SLFN12L: variants seen among roughly 807,000 people sequenced by gnomAD.
The protein encoded by SLFN12L is schlafen family member 12 like.
A neutral mutation model predicts 34.8 loss-of-function variants in SLFN12L; 34 were observed. That is an observed-to-expected ratio of 0.98 (90% confidence interval 0.74 to 1.30). The LOEUF is 1.30. Among genes scored for constraint, SLFN12L ranks in the 50% most tolerant of loss-of-function variants. The pLI, the probability that SLFN12L is intolerant of heterozygous loss-of-function variation, is 0.00. For missense variants in SLFN12L, 703 were observed against 696.2 expected, an observed-to-expected ratio of 1.01 and a Z score of -0.11; for synonymous variants, 259 against 247.5, an observed-to-expected ratio of 1.05 and a Z score of -0.44.
chr17:35,516,239 A>G (rs1052464718), intron 2 of SLFN12L, among the ~76,000 whole-genome samples: 4 of 152,208 alleles, frequency 2.6e-5, no homozygotes, highest in African/African-American at 9.6e-5. Context: ...TTCAGCATCA[A>G]AAAGGTTGGG....
intron 2 of SLFN12L, chr17:35,498,211 C>A: frequency 5.7e-6 from 2 of 349,374 alleles, no homozygotes; most frequent in Non-Finnish European, 1.1e-5. Context: ...CTGGGATGTT[C>A]AGTCATGAAA....
chr17:35,490,090 C>T (rs1159301550), intron 2 of SLFN12L: 1 of 1,606,520 alleles, frequency 6.2e-7, no homozygotes, highest in African/African-American at 1.3e-5. Flanking sequence ...GCCCCCTCCT[C>T]CCCAGTGCCC....
intron 2 of SLFN12L, chr17:35,498,351 C>A: frequency 9.9e-7 from 1 of 1,015,202 alleles, no homozygotes; most frequent in Non-Finnish European, 1.6e-6. Context: ...GGCGGCCAAT[C>A]TCACGGTACA....
At chr17:35,516,905 C>T (rs1915846110) in intron 2 of SLFN12L, among the ~76,000 whole-genome samples, 1 of 152,014 alleles carries the variant, frequency 6.6e-6, no homozygotes, top group African/African-American at 2.4e-5. Flanking sequence ...ACACGTAATC[C>T]ATTTAAAAAT....
chr17:35,472,895 T>C lies in SLFN12L; in HGVS notation c.*2028A>G, dbSNP rs1237790103. ...CCTTGTTAGCTGTATTTCTAGGTAT[T>C]TTATTCTCTTTTTAGCGATTGTGAA... On this transcript the variant is annotated 3_prime_UTR_variant, in exon 5 of 5. Coordinates refer to ENST00000628453, the MANE Select transcript of SLFN12L (RefSeq NM_001363830.2). Among the ~76,000 whole-genome samples the C allele has an allele frequency of 6.6e-6, 1 of 152,198 alleles. No homozygotes were observed. The highest frequency in any genetic ancestry group is 2.4e-5 in the African/African-American group (1 of 41,454).
At chr17:35,522,155 T>C (rs1916016650) in intron 2 of SLFN12L, 124 bp downstream of exon 2, 3 of 1,342,456 alleles carry the variant, frequency 2.2e-6, no homozygotes, top group Admixed American at 2.5e-5. Context: ...CATTGTGCTC[T>C]CCTAAACACA....
intron 2 of SLFN12L, among the ~76,000 whole-genome samples, chr17:35,502,976 G>A (rs947220341): frequency 9.6e-5 from 12 of 125,240 alleles, no homozygotes; most frequent in African/African-American, 3.8e-4. Context: ...TGTGAAAGTC[G>A]TGAAAGAGAA....
intron 2 of SLFN12L, among the ~76,000 whole-genome samples, chr17:35,483,482 G>T (rs1294854774): frequency 6.6e-6 from 1 of 152,172 alleles, no homozygotes; most frequent in East Asian, 1.9e-4. Context: ...TTGACAGTCT[G>T]CAATGGGAAG....
rs112491577 is a variant in SLFN12L at position 35,483,711 on chromosome 17, C to T, written c.87-3516G>A. Reference sequence around the variant, plus strand: ...ATTGGGATCACTGTTTTGCTATAGACGAAAACCTAAAGACTGTAGGTTTGT... The same window carrying T: ...ATTGGGATCACTGTTTTGCTATAGATGAAAACCTAAAGACTGTAGGTTTGT... On this transcript the variant is annotated intron_variant, in intron 2 of 4. Transcript: ENST00000628453. Among the ~76,000 whole-genome samples, 274 of 152,182 alleles carry T rather than the reference C, an allele frequency of 1.8e-3. 1 individual carries two copies. The highest frequency in any genetic ancestry group is 6.2e-3 in the African/African-American group (258 of 41,512).
At chr17:35,518,746 G>T (rs1488908087) in intron 2 of SLFN12L, among the ~76,000 whole-genome samples, 2 of 152,158 alleles carry the variant, frequency 1.3e-5, no homozygotes, top group Non-Finnish European at 2.9e-5. Flanking sequence ...TTACATTGTT[G>T]GTGGGAGTGT....
intron 2 of SLFN12L, among the ~76,000 whole-genome samples, chr17:35,483,393 T>C (rs899865725): frequency 7.9e-5 from 12 of 152,264 alleles, no homozygotes; most frequent in Middle Eastern, 6.8e-3. Context: ...CCACAGAGGT[T>C]TCTGGCCAGA....
intron 2 of SLFN12L, among the ~76,000 whole-genome samples, chr17:35,518,253 C>G (rs1246058713): frequency 2.0e-5 from 3 of 152,130 alleles, no homozygotes; most frequent in Non-Finnish European, 4.4e-5. Context: ...AGACACTTCT[C>G]AAAAGAAGAC....
chr17:35,522,548 C>A lies in SLFN12L; in HGVS notation c.-184G>T. ...CGAGCAAGACAATCACGAGGGACTG[C>A]AGCAGGGCTTCCAATGTGCTGGGTG... On this transcript the variant is annotated 5_prime_UTR_variant, in exon 2 of 5. Transcript: ENST00000628453. 2.5e-6 allele frequency: 4 copies of A among 1,610,744 alleles called. No homozygotes were observed. The highest frequency in any genetic ancestry group is 3.4e-6 in the Non-Finnish European group (4 of 1,178,348).
intron 2 of SLFN12L, chr17:35,498,448 G>A: frequency 7.6e-7 from 1 of 1,311,788 alleles, no homozygotes; most frequent in South Asian, 1.2e-5. Context: ...GGACGACTGC[G>A]GAATTTTCTC....
intron 2 of SLFN12L, among the ~76,000 whole-genome samples, chr17:35,497,932 C>T (rs962539754): frequency 6.6e-6 from 1 of 152,166 alleles, no homozygotes; most frequent in African/African-American, 2.4e-5. Flanking sequence ...TGCCTGTAAT[C>T]CCAGCACTTT....
At chr17:35,525,383 G>A (rs887302802) in intron 1 of SLFN12L, among the ~76,000 whole-genome samples, 11 of 152,110 alleles carry the variant, frequency 7.2e-5, no homozygotes, top group Admixed American at 2.6e-4. Context: ...TCCTCGAGAA[G>A]AGCAACCCTA....
chr17:35,524,692 C>A (rs1051436107), intron 1 of SLFN12L, among the ~76,000 whole-genome samples: 3 of 152,166 alleles, frequency 2.0e-5, no homozygotes, highest in South Asian at 2.1e-4. Context: ...CTCAGAGACC[C>A]CATCTGAAGG....
chr17:35,475,089 T>C lies in SLFN12L; in HGVS notation c.1673A>G (p.Gln558Arg). The C allele has an allele frequency of 6.2e-7, 1 of 1,614,134 alleles. No homozygotes were observed. The highest frequency in any genetic ancestry group is 1.3e-5 in the African/African-American group (1 of 75,076). Residue 558 changes from glutamine to arginine, a missense_variant, in exon 5 of 5, where the codon CAA (glutamine) becomes CGA (arginine). Coordinates refer to ENST00000628453, the MANE Select transcript of SLFN12L (RefSeq NM_001363830.2). ...ATAGTAGGATTCAGGGTAAATTACTTGCGAGTTTAAATCATACTGGCAGCT... is the reference window on the plus strand; with the variant it reads ...ATAGTAGGATTCAGGGTAAATTACTCGCGAGTTTAAATCATACTGGCAGCT... ...KTSCQYDLNS[Q>R]VIYPESYYWT...
At chr17:35,502,632 TTAG>T (rs1915339752) in intron 2 of SLFN12L, among the ~76,000 whole-genome samples, 1 of 151,040 alleles carries the variant, frequency 6.6e-6, no homozygotes, top group Non-Finnish European at 1.5e-5. Context: ...CAATTCTAAG[TTAG>T]TTTGGACTAA....
Sources: gnomAD v4.1 joint callset for allele counts (sites outside exome capture counted in the v4.1 genomes callset) on GRCh38, gnomAD v4.1.1 for gene constraint, MANE v1.5 for transcripts, NCBI Gene and HGNC (gene_info 2026-07-23, HGNC 2026-07-21) for gene names.